The following TBL1XR1 variants were observed in gnomAD, a reference collection of about 807,000 sequenced individuals.
The protein encoded by TBL1XR1 is F-box-like/WD repeat-containing protein TBL1XR1.
Under a neutral mutation model 66.9 loss-of-function variants are expected in TBL1XR1, and 5 were observed. The ratio of observed to expected loss-of-function variants is 0.07; its 90% CI spans 0.04 to 0.16. The LOEUF (loss-of-function observed/expected upper bound fraction) is 0.16, where lower values mean the gene tolerates loss of function less well. Among genes scored for constraint, TBL1XR1 ranks in the 10% least tolerant of loss-of-function variants. TBL1XR1 has a pLI of 1.00. For missense variants in TBL1XR1, 238 were observed against 623.2 expected, an observed-to-expected ratio of 0.38 and a Z score of 6.58; for synonymous variants, 210 against 206.0, an observed-to-expected ratio of 1.02 and a Z score of -0.17.
rs201475535 is a variant in TBL1XR1 at position 177,053,890 on chromosome 3, A to G, written c.87T>C (p.Gly29=). 3.1e-6 allele frequency: 5 copies of G among 1,611,616 alleles called. No individual in the cohort carries two copies. The highest frequency in any genetic ancestry group is 4.2e-6 in the Non-Finnish European group (5 of 1,179,188). Residue 29 remains glycine (G), a synonymous_variant, in exon 4 of 16, where the codon GGT becomes GGC. Coordinates refer to ENST00000457928, the MANE Select transcript of TBL1XR1 (RefSeq NM_024665.7). ...TGGACTGACTGATATGGCTTTCTAT[A>G]CCAAAGGTAAATGCTGAATGAGAAA... The part of the protein sequence containing the change: ...SGFSHSAFTF[G]IESHISQSNI...
intron 2 of TBL1XR1, among the ~76,000 whole-genome samples, chr3:177,074,647 T>G (rs957236680): frequency 6.6e-5 from 10 of 152,088 alleles, no homozygotes; most frequent in Non-Finnish European, 5.9e-5. Context: ...CAAACAGACT[T>G]ATATTCCAAG....
chr3:177,197,588 G>T (rs1396683133), upstream of TBL1XR1, among the ~76,000 whole-genome samples: 1 of 139,930 alleles, frequency 7.1e-6, no homozygotes, highest in Admixed American at 7.0e-5. Context: ...GGCGGCGGCC[G>T]CGCAGCAAAA....
At chr3:177,158,479 G>C (rs933980135) in intron 1 of TBL1XR1, among the ~76,000 whole-genome samples, 1 of 151,872 alleles carries the variant, frequency 6.6e-6, no homozygotes, top group Admixed American at 6.6e-5. Context: ...CGCCCGCCTC[G>C]GCCTCCCAAT....
chr3:177,087,235 AAATT>A (rs1722251839), intron 2 of TBL1XR1, among the ~76,000 whole-genome samples: 1 of 151,766 alleles, frequency 6.6e-6, no homozygotes, highest in Admixed American at 6.6e-5. Flanking sequence ...TTTAAAAAAA[AAATT>A]AAACTAATCA....
At chr3:177,095,633 C>T (rs576786366) in intron 2 of TBL1XR1, among the ~76,000 whole-genome samples, 118 of 152,032 alleles carry the variant, frequency 7.8e-4, no homozygotes, top group Admixed American at 5.7e-3. Context: ...GTGTGCGCCA[C>T]CACGCCTGGC....
intron 2 of TBL1XR1, chr3:177,078,662 C>G (rs1409075482): frequency 1.3e-5 from 2 of 151,576 alleles, no homozygotes; most frequent in Non-Finnish European, 2.9e-5. Flanking sequence ...AAAACAATAT[C>G]GGCTGGGTGC....
At chr3:177,188,979 G>A (rs762386517) in intron 1 of TBL1XR1, among the ~76,000 whole-genome samples, 18 of 152,240 alleles carry the variant, frequency 1.2e-4, no homozygotes, top group Non-Finnish European at 2.1e-4. Context: ...AGGCCGAGGC[G>A]GGTGGATCAC....
intron 1 of TBL1XR1, among the ~76,000 whole-genome samples, chr3:177,179,271 T>C (rs1269277561): frequency 6.6e-6 from 1 of 152,180 alleles, no homozygotes; most frequent in Admixed American, 6.5e-5. Flanking sequence ...GCTTGTTTCA[T>C]TCAGCTCTTA....
intron 2 of TBL1XR1, among the ~76,000 whole-genome samples, chr3:177,072,743 T>C (rs1003856252): frequency 1.3e-5 from 2 of 152,186 alleles, no homozygotes; most frequent in Admixed American, 1.3e-4. Flanking sequence ...TTATTCAGAC[T>C]GGGGATTTGG....
At position 177,051,589 on chromosome 3, in the gene TBL1XR1, G is replaced by GGCGGCT; in HGVS notation, c.341_342insAGCCGC (p.Ala117_Ala118dup). 1 of 1,612,112 alleles carries GGCGGCT rather than the reference G, an allele frequency of 6.2e-7. No homozygotes were observed. Among genetic ancestry groups the GGCGGCT allele is most frequent in the Admixed American group, 1.7e-5 (1 of 59,934 alleles). On this transcript the variant is annotated inframe_insertion, in exon 5 of 16. Coordinates refer to ENST00000457928, the MANE Select transcript of TBL1XR1 (RefSeq NM_024665.7). ...ATCCTTGTTGGCTGGCTGCAGCTGC[G>GGCGGCT]GCAGCTGCAGCAGCTGCTGCCTGTT...
At chr3:177,118,849 G>A (rs1210001417) in intron 1 of TBL1XR1, among the ~76,000 whole-genome samples, 1 of 152,090 alleles carries the variant, frequency 6.6e-6, no homozygotes, top group East Asian at 1.9e-4. Flanking sequence ...ATTTAGCATT[G>A]TAACCATTCA....
chr3:177,152,475 T>C (rs901401197), intron 1 of TBL1XR1, among the ~76,000 whole-genome samples: 3 of 152,130 alleles, frequency 2.0e-5, no homozygotes, highest in African/African-American at 4.8e-5. Flanking sequence ...TTAGTAGAGA[T>C]GGGGTTTCGC....
chr3:177,125,298 T>C (rs1727471693), intron 1 of TBL1XR1, among the ~76,000 whole-genome samples: 1 of 151,778 alleles, frequency 6.6e-6, no homozygotes, highest in South Asian at 2.1e-4. Context: ...CATATGAAAA[T>C]ACGCTCAACA....
At chr3:177,124,500 TCTAA>T (rs1330459386) in intron 1 of TBL1XR1, among the ~76,000 whole-genome samples, 5 of 152,236 alleles carry the variant, frequency 3.3e-5, no homozygotes, top group African/African-American at 7.2e-5. Flanking sequence ...TTCAAATATG[TCTAA>T]CTATTAACTA....
chr3:177,097,746 G>A (rs1723676959), intron 2 of TBL1XR1, among the ~76,000 whole-genome samples: 1 of 152,154 alleles, frequency 6.6e-6, no homozygotes, highest in Non-Finnish European at 1.5e-5. Flanking sequence ...ATCTATTTCA[G>A]TGAAATTATG....
intron 1 of TBL1XR1, among the ~76,000 whole-genome samples, chr3:177,112,310 G>A (rs1376163439): frequency 6.6e-6 from 1 of 150,952 alleles, no homozygotes; most frequent in African/African-American, 2.4e-5. Flanking sequence ...GTTTTGACAC[G>A]TTGGCCAGGC....
At chr3:177,197,836 G>T (rs1308470860), upstream of TBL1XR1, among the ~76,000 whole-genome samples, 1 of 147,314 alleles carries the variant, frequency 6.8e-6, no homozygotes, top group Non-Finnish European at 1.5e-5. Context: ...GCGCCTCGGG[G>T]CCCCGGGCCG....
intron 1 of TBL1XR1, among the ~76,000 whole-genome samples, chr3:177,182,156 G>C (rs1734902117): frequency 6.6e-6 from 1 of 151,930 alleles, no homozygotes; most frequent in Non-Finnish European, 1.5e-5. Context: ...GGAAGCTACA[G>C]CAGGTGGATC....
At chr3:177,140,766 C>A (rs1463437500) in intron 1 of TBL1XR1, among the ~76,000 whole-genome samples, 1 of 152,084 alleles carries the variant, frequency 6.6e-6, no homozygotes, top group African/African-American at 2.4e-5. Context: ...ATAGTCATAA[C>A]AGTAATTGTT....
Sources: gnomAD v4.1 joint callset for allele counts (sites outside exome capture counted in the v4.1 genomes callset) on GRCh38, gnomAD v4.1.1 for gene constraint, MANE v1.5 for transcripts, NCBI Gene and HGNC (gene_info 2026-07-23, HGNC 2026-07-21) for gene names.